The following DYNLT5 variants were observed in gnomAD, a reference collection of about 807,000 sequenced individuals.
The protein encoded by DYNLT5 is dynein light chain Tctex-type family member 5, also known as dynein light chain Tctex-type 5.
DYNLT5 carries 25 observed loss-of-function variants against 19.3 expected under a neutral mutation model. That is an observed-to-expected ratio of 1.30 (90% CI 0.95 to 1.81). DYNLT5 has a LOEUF of 1.81. Among genes scored for constraint, DYNLT5 ranks in the 40% most tolerant of loss-of-function variants. The pLI, the probability that DYNLT5 is intolerant of heterozygous loss-of-function variation, is 0.00. For missense variants in DYNLT5, 232 were observed against 217.9 expected, an observed-to-expected ratio of 1.06 and a Z score of -0.41; for synonymous variants, 82 against 68.9, an observed-to-expected ratio of 1.19 and a Z score of -0.94.
chr1:66,776,951 C>A (rs1043861582), intron 4 of DYNLT5, among the ~76,000 whole-genome samples: 5 of 152,132 alleles, frequency 3.3e-5, no homozygotes, highest in African/African-American at 4.8e-5. Flanking sequence ...TGACATGAAG[C>A]CATCTTAACA....
chr1:66,770,478 G>T lies in DYNLT5; in HGVS notation c.211G>T (p.Gly71Cys), dbSNP rs903170451. 2.5e-6 allele frequency: 4 copies of T among 1,609,612 alleles called. No individual in the cohort carries two copies. Among genetic ancestry groups the T allele is most frequent in the East Asian group, 4.5e-5 (2 of 44,828 alleles). ...TCAGATGGAAAACACCTATCAGTTGGGTGTGTTCTTTTATCTCTCACTCCT... is the reference window on the plus strand; with the variant it reads ...TCAGATGGAAAACACCTATCAGTTGTGTGTGTTCTTTTATCTCTCACTCCT... ...TVQMENTYQL[G>C]PPKHFPVVTV... Residue 71 changes from glycine (G) to cysteine (C), a missense_variant and splice_region_variant, in exon 3 of 5, where the codon GGT becomes TGT. Gly to Cys is a radical substitution (Grantham distance 159, BLOSUM62 -3). Coordinates refer to ENST00000282670, the MANE Select transcript of DYNLT5 (RefSeq NM_152665.3).
chr1:66,754,850 A>T, intron 2 of DYNLT5, 73 bp downstream of exon 2: 2 of 1,462,458 alleles, frequency 1.4e-6, no homozygotes, highest in South Asian at 1.4e-5. Flanking sequence ...GGAGAAAAAA[A>T]CACTTCCTCG....
chr1:66,777,272 G>A lies in DYNLT5; in HGVS notation c.358G>A (p.Asp120Asn). The change falls in exon 5 of 5, where the codon GAC becomes AAC. Residue 120 changes from aspartate to asparagine, a missense_variant. Physicochemically the swap from Asp to Asn is conservative, Grantham distance 23. Transcript: ENST00000282670. ...ISEVIKAQVK[D>N]LMIPRYKLIV... ...CTAGGTTATTAAAGCCCAGGTCAAGGACTTGATGATTCCACGGTATAAACT... is the reference window on the plus strand; with the variant it reads ...CTAGGTTATTAAAGCCCAGGTCAAGAACTTGATGATTCCACGGTATAAACT... 6.2e-7 allele frequency: 1 copy of A among 1,612,274 alleles called. No individual in the cohort carries two copies. The highest frequency in any genetic ancestry group is 1.1e-5 in the South Asian group (1 of 90,920).
At chr1:66,770,017 T>C (rs1317437162) in intron 2 of DYNLT5, among the ~76,000 whole-genome samples, 3 of 152,286 alleles carry the variant, frequency 2.0e-5, no homozygotes, top group Admixed American at 2.0e-4. Context: ...TTGTGAGCTT[T>C]ATCTACTTTG....
chr1:66,761,192 TA>T (rs2094645410), intron 2 of DYNLT5, among the ~76,000 whole-genome samples: 1 of 152,186 alleles, frequency 6.6e-6, no homozygotes, highest in Non-Finnish European at 1.5e-5. Context: ...ACCATTGCAA[TA>T]AAGTGTATTT....
At chr1:66,769,050 T>G (rs1238053240) in intron 2 of DYNLT5, among the ~76,000 whole-genome samples, 5 of 152,204 alleles carry the variant, frequency 3.3e-5, no homozygotes, top group African/African-American at 4.8e-5. Context: ...CAGACTGACT[T>G]ATCTTAGAAT....
Position 66,754,855 on chromosome 1 carries a change from T to G in DYNLT5, c.119+78T>G, listed in dbSNP as rs981921969. On this transcript the variant is annotated intron_variant, in intron 2 of 4. Transcript: ENST00000282670. Reference sequence around the variant, plus strand: ...ATGTTTATTAGGAGAAAAAAACACTTCCTCGGGGACATAAAAAGAGATAAA... The same window carrying G: ...ATGTTTATTAGGAGAAAAAAACACTGCCTCGGGGACATAAAAAGAGATAAA... 3.2e-5 allele frequency: 45 copies of G among 1,420,620 alleles called. No homozygotes were observed. In the Admixed American group the frequency reaches 3.9e-4, roughly 12 times the overall value. 88.0% of individuals were successfully genotyped at this position (1,420,620 alleles called of 1,614,324 possible).
At chr1:66,754,597 A>C in intron 1 of DYNLT5, 59 bp from the exon 2 acceptor site, 2 of 1,534,276 alleles carry the variant, frequency 1.3e-6, no homozygotes, top group Non-Finnish European at 1.7e-6. Context: ...TCCCTGTTAT[A>C]CTAACTAAAA....
intron 3 of DYNLT5, among the ~76,000 whole-genome samples, chr1:66,773,004 C>T (rs1470069703): frequency 6.6e-6 from 1 of 152,092 alleles, no homozygotes; most frequent in Non-Finnish European, 1.5e-5. Flanking sequence ...CTATGAGACT[C>T]AAATGATGTT....
At chr1:66,772,481 C>T (rs1248303061) in intron 3 of DYNLT5, among the ~76,000 whole-genome samples, 1 of 152,218 alleles carries the variant, frequency 6.6e-6, no homozygotes, top group East Asian at 1.9e-4. Context: ...CACCAGGCCC[C>T]ACCTCCAACA....
At chr1:66,761,738 A>T (rs938733271) in intron 2 of DYNLT5, among the ~76,000 whole-genome samples, 2 of 152,174 alleles carry the variant, frequency 1.3e-5, no homozygotes, top group African/African-American at 4.8e-5. Context: ...TGATCATACC[A>T]CTATACTCCA....
At chr1:66,756,006 C>T (rs1162358983) in intron 2 of DYNLT5, among the ~76,000 whole-genome samples, 1 of 152,078 alleles carries the variant, frequency 6.6e-6, no homozygotes, top group Non-Finnish European at 1.5e-5. Flanking sequence ...ATTTGCATGA[C>T]TTTTACTTAT....
chr1:66,761,754 G>A (rs2094646264), intron 2 of DYNLT5, among the ~76,000 whole-genome samples: 1 of 151,960 alleles, frequency 6.6e-6, no homozygotes, highest in Non-Finnish European at 1.5e-5. Context: ...CTCCAGCCTG[G>A]GCAACAGAGA....
At chr1:66,773,190 G>A (rs574665819) in intron 3 of DYNLT5, among the ~76,000 whole-genome samples, 18 of 152,234 alleles carry the variant, frequency 1.2e-4, no homozygotes, top group African/African-American at 4.3e-4. Context: ...GTGGCACCTG[G>A]TTGTTTGCAA....
intron 3 of DYNLT5, among the ~76,000 whole-genome samples, chr1:66,772,299 T>G (rs953074951): frequency 6.6e-6 from 1 of 151,676 alleles, no homozygotes; most frequent in African/African-American, 2.4e-5. Flanking sequence ...GGAAGGAGAG[T>G]TGGCATGTCA....
At chr1:66,760,601 T>C (rs555356233) in intron 2 of DYNLT5, among the ~76,000 whole-genome samples, 1 of 152,336 alleles carries the variant, frequency 6.6e-6, no homozygotes, top group East Asian at 1.9e-4. Flanking sequence ...TGTGCATCTA[T>C]TTTTAAAAAA....
chr1:66,776,257 T>G, intron 3 of DYNLT5, 22 bp from the exon 4 acceptor site: 1 of 1,608,904 alleles, frequency 6.2e-7, no homozygotes, highest in African/African-American at 1.3e-5. Flanking sequence ...TTTTTAGAAA[T>G]AAATTTTATG....
intron 3 of DYNLT5, among the ~76,000 whole-genome samples, chr1:66,774,784 C>A (rs1165031518): frequency 6.6e-6 from 1 of 152,156 alleles, no homozygotes; most frequent in Non-Finnish European, 1.5e-5. Flanking sequence ...GGTGGGCTGA[C>A]AACCTTACTT....
At chr1:66,756,324 C>A (rs1469300207) in intron 2 of DYNLT5, among the ~76,000 whole-genome samples, 1 of 152,082 alleles carries the variant, frequency 6.6e-6, no homozygotes, top group East Asian at 1.9e-4. Flanking sequence ...TTAGGAGGCT[C>A]CCCCACCCCA....
Sources: allele counts gnomAD v4.1 joint callset (sites outside exome capture counted in the v4.1 genomes callset), GRCh38; gene constraint gnomAD v4.1.1; transcripts MANE v1.5; gene names NCBI Gene and HGNC (gene_info 2026-07-23, HGNC 2026-07-21).